The following SYT11 variants were observed in gnomAD, a reference collection of about 807,000 sequenced individuals.
SYT11 encodes synaptotagmin 11.
Under a neutral mutation model 30.4 loss-of-function variants are expected in SYT11, and 12 were observed. That is an observed-to-expected ratio of 0.39 (90% CI 0.25 to 0.64). The LOEUF is 0.64. Ranked by LOEUF, SYT11 falls within the 30% of genes least tolerant of loss-of-function variation. The pLI is 0.45. For missense variants in SYT11, 412 were observed against 552.0 expected (o/e 0.75, Z 2.54); for synonymous variants, 204 against 216.0 (o/e 0.94, Z 0.49).
intron 1 of SYT11, among the ~76,000 whole-genome samples, chr1:155,867,022 A>AT (rs1166617543): frequency 2.0e-5 from 3 of 149,802 alleles, no homozygotes; most frequent in Non-Finnish European, 4.4e-5. Flanking sequence ...ACACACACCT[A>AT]TTTTTTTGCC....
chr1:155,882,497 A>T lies in SYT11; in HGVS notation c.*989A>T, dbSNP rs1271275298. On this transcript the variant is annotated 3_prime_UTR_variant, in exon 4 of 4. Coordinates refer to ENST00000368324, the MANE Select transcript of SYT11 (RefSeq NM_152280.5). ...GCTATCAGCTCTTCTGCTATGAAGT[A>T]GTAAAAGGCAGTCTATAATTAACTG... 1 of 152,358 alleles carries T rather than the reference A, an allele frequency of 6.6e-6. No individual in the cohort carries two copies. Among genetic ancestry groups the T allele is most frequent in the Non-Finnish European group, 1.5e-5 (1 of 68,050 alleles). The allele number at this position is 152,358 out of a possible 1,614,324, so 9.4% of individuals were successfully genotyped here. A position where few individuals can be genotyped will look rare whatever the true frequency, so the allele number is the denominator to read the frequency against.
rs773211150 is a variant in SYT11 at position 155,868,722 on chromosome 1, A to T, written c.792A>T (p.Pro264=). 5.0e-6 allele frequency: 8 copies of T among 1,614,224 alleles called. No homozygotes were observed. Among genetic ancestry groups the T allele is most frequent in the Middle Eastern group, 1.6e-4 (1 of 6,062 alleles). The change falls in exon 2 of 4, where the codon CCA becomes CCT. Residue 264 remains proline, a synonymous_variant. Coordinates refer to ENST00000368324, the MANE Select transcript of SYT11 (RefSeq NM_152280.5). The surrounding 1 kb of genome is among the most constrained non-coding windows in gnomAD (Gnocchi z 4.7). ...ATGTCATTGGCGAGGTCATGGTGCC[A>T]CTGGCAGGGGTGGACCCCAGCACAG... ...RDDVIGEVMV[P]LAGVDPSTGK... is the part of the protein sequence containing the mutation.
At chr1:155,872,893 G>C (rs1672801888) in intron 2 of SYT11, among the ~76,000 whole-genome samples, 1 of 152,142 alleles carries the variant, frequency 6.6e-6, no homozygotes, top group Non-Finnish European at 1.5e-5. Flanking sequence ...GGCACAAGGT[G>C]AAGGAGGGAT....
intron 2 of SYT11, among the ~76,000 whole-genome samples, chr1:155,876,900 C>A (rs1354863755): frequency 6.6e-6 from 1 of 151,986 alleles, no homozygotes; most frequent in Non-Finnish European, 1.5e-5. Context: ...ATTCTCCTGC[C>A]TCAGCCTCCT....
intron 1 of SYT11, among the ~76,000 whole-genome samples, chr1:155,864,473 A>C (rs897641726): frequency 6.6e-6 from 1 of 152,136 alleles, no homozygotes; most frequent in Non-Finnish European, 1.5e-5. Context: ...TAAACCCTTC[A>C]TCTAGGTTTG....
chr1:155,862,029 A>G (rs1481682977), intron 1 of SYT11, among the ~76,000 whole-genome samples: 2 of 152,350 alleles, frequency 1.3e-5, no homozygotes, highest in Admixed American at 6.5e-5. Context: ...GGGGGTGTCA[A>G]TAAAAGCAGT....
rs1044041114 is a variant in SYT11 at position 155,884,164 on chromosome 1, G to A, written c.*2656G>A. On this transcript the variant is annotated 3_prime_UTR_variant, in exon 4 of 4. Transcript: ENST00000368324. The stretch of plus-strand genomic sequence containing the variant: ...AGATCAGAAATCGCTGAGCAAACCC[G>A]CTTTTGTTTCCTTCCCAGAAACAAT... 5.2e-5 allele frequency: 8 copies of A among 152,794 alleles called. No homozygotes were observed. Among genetic ancestry groups the A allele is most frequent in the East Asian group, 1.9e-4 (1 of 5,322 alleles). 9.5% of individuals were successfully genotyped at this position (152,794 alleles called of 1,614,324 possible).
intron 2 of SYT11, among the ~76,000 whole-genome samples, chr1:155,879,445 G>GT (rs1410168648): frequency 6.6e-6 from 1 of 152,132 alleles, no homozygotes; most frequent in African/African-American, 2.4e-5. Flanking sequence ...AGGACTAGAG[G>GT]TTTTTTCAAG....
intron 2 of SYT11, 44 bp from the exon 3 acceptor site, chr1:155,880,456 T>C: frequency 6.2e-7 from 1 of 1,609,782 alleles, no homozygotes; most frequent in Non-Finnish European, 8.5e-7. Flanking sequence ...TGCTCTGCCC[T>C]GCACCCTCTG....
intron 1 of SYT11, among the ~76,000 whole-genome samples, chr1:155,865,482 G>C (rs1672656568): frequency 6.6e-6 from 1 of 152,010 alleles, no homozygotes; most frequent in Admixed American, 6.6e-5. Flanking sequence ...ACAAAAATTA[G>C]CCGGACATGG....
At chr1:155,879,438 A>G (rs1672926519) in intron 2 of SYT11, among the ~76,000 whole-genome samples, 1 of 152,118 alleles carries the variant, frequency 6.6e-6, no homozygotes, top group South Asian at 2.1e-4. Context: ...TTATTGGAGG[A>G]CTAGAGGTTT....
intron 1 of SYT11, among the ~76,000 whole-genome samples, chr1:155,861,822 T>C (rs1055204528): frequency 6.6e-6 from 1 of 152,198 alleles, no homozygotes; most frequent in Non-Finnish European, 1.5e-5. Flanking sequence ...TTCTCCATGT[T>C]GGTCAGGCTG....
intron 2 of SYT11, among the ~76,000 whole-genome samples, chr1:155,874,013 G>C (rs1001883408): frequency 6.6e-6 from 1 of 152,228 alleles, no homozygotes; most frequent in East Asian, 1.9e-4. Context: ...TTCAAAACTG[G>C]CTGAGGGCCA....
Position 155,868,363 on chromosome 1 carries a change from A to G in SYT11, c.433A>G (p.Lys145Glu), listed in dbSNP as rs759497839. ...TACAAGCCTGACCCCTGGGGAGAGC[A>G]AAACCACCTCTCCATCATCTCCAGA... Reference protein sequence around the residue: ...PITSLTPGESKTTSPSSPEED... With the variant: ...PITSLTPGESETTSPSSPEED... Residue 145 changes from lysine (K) to glutamate (E), a missense_variant, in exon 2 of 4, where the codon AAA (lysine) becomes GAA (glutamate). Physicochemically the swap from Lys to Glu is moderately conservative, Grantham distance 56. Coordinates refer to ENST00000368324, the MANE Select transcript of SYT11 (RefSeq NM_152280.5). The surrounding 1 kb of genome is among the most constrained non-coding windows in gnomAD (Gnocchi z 4.7). 6.2e-7 allele frequency: 1 copy of G among 1,614,038 alleles called. No homozygotes were observed. The highest frequency in any genetic ancestry group is 8.5e-7 in the Non-Finnish European group (1 of 1,180,012).
intron 2 of SYT11, among the ~76,000 whole-genome samples, chr1:155,878,853 C>T (rs190301488): frequency 0.018 from 2,740 of 150,584 alleles, 41 homozygotes; most frequent in Non-Finnish European, 0.028. Context: ...GGTGACAGAG[C>T]GAGAGACTCT....
Position 155,868,186 on chromosome 1 carries a change from G to A in SYT11, c.256G>A (p.Gly86Arg). 6.2e-7 allele frequency: 1 copy of A among 1,614,176 alleles called. No homozygotes were observed. Among genetic ancestry groups the A allele is most frequent in the Non-Finnish European group, 8.5e-7 (1 of 1,180,030 alleles). ...AGTGCGGAGAGACAAAGATGGTCCT[G>A]GGAGGGAAGGTGGACGTAGGAACCT... Reference protein sequence around the residue: ...IKVRRDKDGPGREGGRRNLLV... With the variant: ...IKVRRDKDGPRREGGRRNLLV... The change falls in exon 2 of 4, where the codon GGG becomes AGG. Residue 86 changes from glycine to arginine, a missense_variant. Coordinates refer to ENST00000368324, the MANE Select transcript of SYT11 (RefSeq NM_152280.5). This position sits in a 1 kb window ranked among gnomAD's most constrained non-coding sequence, Gnocchi z 4.7.
At chr1:155,866,317 A>G (rs1236932457) in intron 1 of SYT11, among the ~76,000 whole-genome samples, 1 of 152,032 alleles carries the variant, frequency 6.6e-6, no homozygotes, top group African/African-American at 2.4e-5. Flanking sequence ...GGGTTTCGCC[A>G]TGTTGGCCAG....
rs766159774 is a variant in SYT11, at chr1:155,860,826, G to C, written c.34+1031G>C. On this transcript the variant is annotated intron_variant, in intron 1 of 3. Coordinates refer to ENST00000368324, the MANE Select transcript of SYT11 (RefSeq NM_152280.5). The surrounding 1 kb of genome is among the most constrained non-coding windows in gnomAD (Gnocchi z 4.1). Reference sequence around the variant, plus strand: ...TTTTTCCTCTTTGGGGACTCCTGCAGTATATGCTAAAGGAGCAAACTTCCT... The same window carrying C: ...TTTTTCCTCTTTGGGGACTCCTGCACTATATGCTAAAGGAGCAAACTTCCT... Among the ~76,000 whole-genome samples the C allele has an allele frequency of 5.9e-5, 9 of 152,208 alleles. No homozygotes were observed. Among genetic ancestry groups the C allele is most frequent in the Non-Finnish European group, 8.8e-5 (6 of 68,026 alleles).
At chr1:155,877,676 C>A (rs1672888521) in intron 2 of SYT11, among the ~76,000 whole-genome samples, 1 of 151,992 alleles carries the variant, frequency 6.6e-6, no homozygotes, top group Admixed American at 6.6e-5. Flanking sequence ...GCCGCAGCCT[C>A]CCCAGTTGCT....
Sources: gnomAD v4.1 joint callset for allele counts (sites outside exome capture counted in the v4.1 genomes callset) on GRCh38, gnomAD v4.1.1 for gene constraint, Gnocchi (gnomAD v3.1) non-coding constraint, MANE v1.5 for transcripts, NCBI Gene and HGNC (gene_info 2026-07-23, HGNC 2026-07-21) for gene names.